The following GPM6B variants were observed in gnomAD, a reference collection of about 807,000 sequenced individuals.
GPM6B encodes neuronal membrane glycoprotein M6-b.
A neutral mutation model predicts 27.2 loss-of-function variants in GPM6B; 4 were observed. The observed-to-expected ratio is 0.15, with a 90% CI of 0.07 to 0.34. The LOEUF is 0.34. GPM6B is among the 10% of genes least tolerant of loss of function. The probability of loss-of-function intolerance (pLI) is 1.00; values close to 1 mark genes in which losing one functional copy is unlikely to be tolerated. For synonymous variants in GPM6B, 124 were observed against 103.1 expected, an observed-to-expected ratio of 1.20 and a Z score of -1.23; for missense variants, 183 against 261.9, an observed-to-expected ratio of 0.70 and a Z score of 2.08.
intron 2 of GPM6B, among the ~76,000 whole-genome samples, chrX:13,796,739 G>A (rs1271529054): frequency 1.8e-5 from 2 of 112,401 alleles, no homozygotes; most frequent in Non-Finnish European, 3.8e-5. Flanking sequence ...TTTCATTTTT[G>A]TGAAAACACT....
chrX:13,773,076 G>C (rs771347533), intron 7 of GPM6B, 46 bp from the exon 8 acceptor site: 37 of 1,117,342 alleles, frequency 3.3e-5, no homozygotes, highest in Non-Finnish European at 4.2e-5. Flanking sequence ...ATTGTGAGAA[G>C]GCAAAGCGAG....
chrX:13,842,937 ACATAC>A (rs1016088501), intron 1 of GPM6B, among the ~76,000 whole-genome samples: 1 of 111,728 alleles, frequency 9.0e-6, no homozygotes, highest in African/African-American at 3.3e-5. Context: ...ATTATCATTG[ACATAC>A]CATACAATTC....
At position 13,840,695 on chromosome X, in the gene GPM6B, A is replaced by G. The variant is rs770115177; in HGVS notation, c.-197-54887T>C. 1.1e-3 allele frequency among the ~76,000 whole-genome samples: 122 copies of G among 110,981 alleles called. 3 individuals carry two copies. The highest frequency in any genetic ancestry group is 3.8e-3 in the African/African-American group (116 of 30,437). On this transcript the variant is annotated intron_variant, in intron 1 of 6. Transcript: ENST00000398361. ...AGGCTCCTCTCTCTCCTCTCCCCGG[A>G]CATTACCCTTTATAATAGATTCACA...
intron 1 of GPM6B, among the ~76,000 whole-genome samples, chrX:13,868,823 T>C (rs752016720): frequency 1.8e-5 from 2 of 112,408 alleles, no homozygotes; most frequent in Non-Finnish European, 3.8e-5. Flanking sequence ...GATTTGGACA[T>C]AACATAACCC....
intron 2 of GPM6B, among the ~76,000 whole-genome samples, chrX:13,803,565 C>T (rs191318220): frequency 1.7e-3 from 190 of 112,079 alleles, no homozygotes; most frequent in Non-Finnish European, 2.8e-3. Flanking sequence ...TCTACTCCTT[C>T]CTTGTGAGAC....
intron 1 of GPM6B, among the ~76,000 whole-genome samples, chrX:13,929,784 A>G (rs1265480995): frequency 8.9e-6 from 1 of 111,769 alleles, no homozygotes; most frequent in Non-Finnish European, 1.9e-5. Context: ...TACTCCCCCA[A>G]CAAAGAATCA....
chrX:13,899,925 AAATGTCATT>A (rs1161929999), intron 1 of GPM6B, among the ~76,000 whole-genome samples: 1 of 112,418 alleles, frequency 8.9e-6, no homozygotes, highest in Non-Finnish European at 1.9e-5. Context: ...TAAGATTTTA[AAATGTCATT>A]AATTTTGTTC....
At chrX:13,880,994 T>C (rs753856063) in intron 1 of GPM6B, among the ~76,000 whole-genome samples, 7 of 111,605 alleles carry the variant, frequency 6.3e-5, no homozygotes, top group African/African-American at 2.3e-4. Context: ...ACCTCCAGCT[T>C]CTCATGGTCA....
At chrX:13,888,495 C>T (rs112314993) in intron 1 of GPM6B, among the ~76,000 whole-genome samples, 59 of 112,048 alleles carry the variant, frequency 5.3e-4, no homozygotes, top group Middle Eastern at 4.6e-3. Context: ...CTTTGTTCAG[C>T]GGCTCTGTGC....
At chrX:13,917,427 G>A (rs1446592167) in intron 1 of GPM6B, among the ~76,000 whole-genome samples, 1 of 112,250 alleles carries the variant, frequency 8.9e-6, no homozygotes, top group African/African-American at 3.2e-5. Context: ...CACTGGACGT[G>A]AGCAAATTAT....
At chrX:13,912,319 G>A (rs1454429688) in intron 1 of GPM6B, among the ~76,000 whole-genome samples, 2 of 111,847 alleles carry the variant, frequency 1.8e-5, no homozygotes, top group South Asian at 7.4e-4. Flanking sequence ...AGTTCAGACA[G>A]CCAAGAGATG....
intron 1 of GPM6B, among the ~76,000 whole-genome samples, chrX:13,874,712 AAAAC>A (rs1385868219): frequency 9.0e-6 from 1 of 110,605 alleles, no homozygotes; most frequent in Non-Finnish European, 1.9e-5. Context: ...TCCATCTCCA[AAAAC>A]AAACAAACAA....
intron 2 of GPM6B, among the ~76,000 whole-genome samples, chrX:13,798,336 G>T (rs1224317428): frequency 9.2e-6 from 1 of 108,310 alleles, no homozygotes; most frequent in African/African-American, 3.4e-5. Flanking sequence ...CAAGGGTCAG[G>T]GAGGCCTTAG....
Position 13,777,295 on chromosome X carries a change from G to C in GPM6B, c.771+57C>G, listed in dbSNP as rs371321873. On this transcript the variant is annotated intron_variant, in intron 6 of 7. Transcript: ENST00000316715. The stretch of plus-strand genomic sequence containing the variant: ...TCTCTCGCTCTTTCTACAGCTGGGA[G>C]AACCCTTTTTTCTCAGCCTAATACT... 156 of 835,582 alleles carry C rather than the reference G, an allele frequency of 1.9e-4. No individual in the cohort carries two copies. The African/African-American group carries it at 2.9e-3, about 16-fold the overall frequency. 68.9% of individuals were successfully genotyped at this position (835,582 alleles called of 1,213,427 possible).
rs1419543400 is a variant in GPM6B, at chrX:13,826,401, A to G, written c.-197-40593T>C. The stretch of plus-strand genomic sequence containing the variant: ...TGAGGACCAAATGATCGGTTTTTAA[A>G]CTAGCTTTAAGAAAGTTTCTGGCCG... On this transcript the variant is annotated intron_variant, in intron 1 of 6. Transcript: ENST00000398361. 3.6e-5 allele frequency among the ~76,000 whole-genome samples: 4 copies of G among 111,618 alleles called. No homozygotes were observed. In the East Asian group the frequency reaches 1.1e-3, roughly 32 times the overall value.
chrX:13,798,129 CA>C (rs928185813), intron 2 of GPM6B, among the ~76,000 whole-genome samples: 5 of 110,882 alleles, frequency 4.5e-5, no homozygotes, highest in African/African-American at 1.6e-4. Context: ...AATTACACCA[CA>C]AGAAAGCGTT....
intron 1 of GPM6B, among the ~76,000 whole-genome samples, chrX:13,935,347 A>C (rs911996664): frequency 1.9e-5 from 2 of 103,071 alleles, no homozygotes; most frequent in Admixed American, 1.0e-4. Context: ...AAAAAAAAAA[A>C]AAAAAAAAAA....
chrX:13,785,867 G>A, intron 2 of GPM6B, 59 bp from the exon 3 acceptor site: 2 of 926,456 alleles, frequency 2.2e-6, no homozygotes, highest in Non-Finnish European at 1.5e-6. Flanking sequence ...TGGTCTTCAA[G>A]AATACCCCAT....
Position 13,924,578 on chromosome X carries a change from G to C in GPM6B, c.-198+13749C>G, listed in dbSNP as rs1030595992. On this transcript the variant is annotated intron_variant, in intron 1 of 6. Coordinates refer to the GPM6B transcript ENST00000398361. The stretch of plus-strand genomic sequence containing the variant: ...TCGGCCTCTCGAAGTGCTGGGATCA[G>C]GAATGAGCCTCCATGCCCGGCCACA... Among the ~76,000 whole-genome samples the C allele has an allele frequency of 9.4e-4, 105 of 112,069 alleles. 1 individual carries two copies. Among genetic ancestry groups the C allele is most frequent in the African/African-American group, 3.0e-3 (94 of 30,838 alleles).
Sources: gnomAD v4.1 joint callset for allele counts (sites outside exome capture counted in the v4.1 genomes callset) on GRCh38, gnomAD v4.1.1 for gene constraint, MANE v1.5 for transcripts, NCBI Gene and HGNC (gene_info 2026-07-23, HGNC 2026-07-21) for gene names.